WIPI1: variants seen among roughly 807,000 people sequenced by gnomAD.
WIPI1 encodes WD repeat domain, phosphoinositide interacting 1, also known as WD repeat domain phosphoinositide-interacting protein 1.
A neutral mutation model predicts 55.3 loss-of-function variants in WIPI1; 45 were observed. That is an observed-to-expected ratio of 0.81 (90% CI 0.64 to 1.04). WIPI1 has a LOEUF of 1.04. Among genes scored for constraint, WIPI1 ranks in the 50% least tolerant of loss-of-function variants. The pLI is 0.00. For synonymous variants in WIPI1, 195 were observed against 217.6 expected, an observed-to-expected ratio of 0.90 and a Z score of 0.92; for missense variants, 445 against 559.0, an observed-to-expected ratio of 0.80 and a Z score of 2.06.
At chr17:68,451,892 T>G (rs2084514099) in intron 2 of WIPI1, among the ~76,000 whole-genome samples, 1 of 152,240 alleles carries the variant, frequency 6.6e-6, no homozygotes, top group South Asian at 2.1e-4. Flanking sequence ...TCTTTTCATA[T>G]GTGTGCCTTT....
intron 4 of WIPI1, among the ~76,000 whole-genome samples, chr17:68,442,886 T>C (rs975467047): frequency 6.6e-6 from 1 of 152,200 alleles, no homozygotes; most frequent in Non-Finnish European, 1.5e-5. Flanking sequence ...GCTCCTGGTA[T>C]GAGGTTGCCT....
chr17:68,427,408 G>A, intron 10 of WIPI1, 155 bp from the exon 11 acceptor site: 1 of 543,968 alleles, frequency 1.8e-6, no homozygotes, highest in South Asian at 2.3e-5. Context: ...CCAGGCTGGA[G>A]TGCAGTGGCG....
chr17:68,429,790 C>T (rs565997871), intron 9 of WIPI1, among the ~76,000 whole-genome samples: 2 of 152,122 alleles, frequency 1.3e-5, no homozygotes, highest in African/African-American at 2.4e-5. Context: ...GATTTCACCA[C>T]GTTGGCCAGG....
At chr17:68,453,228 C>A (rs2302784) in intron 1 of WIPI1, among the ~76,000 whole-genome samples, 37,588 of 151,918 alleles carry the variant, frequency 0.25, 4,970 homozygotes, top group Non-Finnish European at 0.28. Context: ...GATCAAGGGG[C>A]ATGAAACTGC....
At position 68,440,388 on chromosome 17, in the gene WIPI1, T is replaced by C. The variant is rs545436579; in HGVS notation, c.431-3909A>G. On this transcript the variant is annotated intron_variant, in intron 4 of 12. Transcript: ENST00000262139. ...CCATTCTGCCAGTCTCCTCTTTCTGTTACAGGTGTTACACAAAGCCTTTTT... is the reference window on the plus strand; with the variant it reads ...CCATTCTGCCAGTCTCCTCTTTCTGCTACAGGTGTTACACAAAGCCTTTTT... 3.3e-5 allele frequency among the ~76,000 whole-genome samples: 5 copies of C among 152,348 alleles called. No homozygotes were observed. The South Asian group carries it at 8.3e-4, about 25-fold the overall frequency.
chr17:68,436,031 G>A (rs2083769645), intron 5 of WIPI1, among the ~76,000 whole-genome samples: 3 of 152,212 alleles, frequency 2.0e-5, no homozygotes, highest in Admixed American at 2.0e-4. Flanking sequence ...ATCTTGTCCC[G>A]CTCAGGGATG....
intron 11 of WIPI1, 78 bp from the exon 12 acceptor site, chr17:68,426,253 G>GGGGCCCCCCCCC: frequency 1.2e-6 from 1 of 841,016 alleles, no homozygotes; most frequent in Non-Finnish European, 1.9e-6. Context: ...GGGGAGCGGG[G>GGGGCCCCCCCCC]GCTCAAATAA....
intron 3 of WIPI1, among the ~76,000 whole-genome samples, chr17:68,450,016 C>A (rs1390685331): frequency 6.6e-6 from 1 of 152,134 alleles, no homozygotes; most frequent in Admixed American, 6.5e-5. Flanking sequence ...GTCTCAAAAA[C>A]AGAAACAACA....
At position 68,434,580 on chromosome 17, in the gene WIPI1, T is replaced by C. The variant is rs73359910; in HGVS notation, c.668A>G (p.Tyr223Cys). The C allele has an allele frequency of 6.3e-4, 1,022 of 1,613,918 alleles. 4 individuals are homozygous for C. The African/African-American group carries it at 0.012, about 19-fold the overall frequency. The change falls in exon 7 of 13, where the codon TAT becomes TGT. Residue 223 changes from tyrosine (Y) to cysteine (C), a missense_variant. Transcript: ENST00000262139. ...VFSVPDGQKL[Y>C]EFRRGMKRYV... ...CCTTTTCATCCCTCTCCGGAACTCA[T>C]AGAGCTTTTGCCCATCAGGGACAGA...
rs373999493 is a variant in WIPI1, at chr17:68,444,508, G to T, written c.415C>A (p.Pro139Thr). 48 of 1,613,724 alleles carry T rather than the reference G, an allele frequency of 3.0e-5. No homozygotes were observed. In the African/African-American group the frequency reaches 5.5e-4, roughly 18 times the overall value. The change falls in exon 4 of 13, where the codon CCT becomes ACT. Residue 139 changes from proline to threonine, a missense_variant. Physicochemically the swap from Pro to Thr is conservative, Grantham distance 38. Coordinates refer to ENST00000262139, the MANE Select transcript of WIPI1 (RefSeq NM_017983.7). ...TGGAGCTCACCTGTTGGGTTTGCAG[G>T]AATATCCAGGAGGGTCTTCAACAGC... The part of the protein sequence containing the change: ...MKLLKTLLDI[P>T]ANPTGLCALS...
At chr17:68,433,771 T>TGTTTGTTTTTTTTTTTTTG (rs1399188195) in intron 7 of WIPI1, among the ~76,000 whole-genome samples, 196 bp from the exon 8 acceptor site, 1 of 21,362 alleles carries the variant, frequency 4.7e-5, no homozygotes, top group African/African-American at 1.1e-4. Flanking sequence ...TTTTTTTTTT[T>TGTTTGTTTTTTTTTTTTTG]TTTTTTTTTT....
chr17:68,441,518 C>T (rs1468792433), intron 4 of WIPI1, among the ~76,000 whole-genome samples: 3 of 152,176 alleles, frequency 2.0e-5, no homozygotes, highest in African/African-American at 7.2e-5. Context: ...AGGATGAGAA[C>T]AGATAAGGCG....
At position 68,436,206 on chromosome 17, in the gene WIPI1, G is replaced by T. The variant is rs529356653; in HGVS notation, c.528+176C>A. Among the ~76,000 whole-genome samples, 29 of 152,286 alleles carry T rather than the reference G, an allele frequency of 1.9e-4. 1 individual carries two copies. Among genetic ancestry groups the T allele is most frequent in the African/African-American group, 7.0e-4 (29 of 41,556 alleles). ...GGCCTGGCCAGCTGGCTTATGGTGA[G>T]GTTGACTCACAGCAAGCCCGAGGGG... is the stretch of plus-strand genomic sequence containing the variant. On this transcript the variant is annotated intron_variant, in intron 5 of 12. Coordinates refer to ENST00000262139, the MANE Select transcript of WIPI1 (RefSeq NM_017983.7).
intron 3 of WIPI1, among the ~76,000 whole-genome samples, chr17:68,448,994 A>C (rs1466970618): frequency 1.3e-5 from 2 of 152,198 alleles, no homozygotes; most frequent in African/African-American, 2.4e-5. Context: ...AGGTGGACTT[A>C]AGTGGATTTT....
Position 68,434,555 on chromosome 17 carries a change from C to A in WIPI1, c.692+1G>T, listed in dbSNP as rs1310639052. ...AAATGGGTTTGACATTGAACACAGACCTTTTCATCCCTCTCCGGAACTCAT... is the reference window on the plus strand; with the variant it reads ...AAATGGGTTTGACATTGAACACAGAACTTTTCATCCCTCTCCGGAACTCAT... On this transcript the variant is annotated splice_donor_variant, in intron 7 of 12. Transcript: ENST00000262139. LOFTEE classifies it high-confidence loss of function. 2 of 1,613,928 alleles carry A rather than the reference C, an allele frequency of 1.2e-6. No individual in the cohort carries two copies. The highest frequency in any genetic ancestry group is 4.5e-5 in the East Asian group (2 of 44,856).
At chr17:68,455,970 T>G (rs2084636386) in intron 1 of WIPI1, among the ~76,000 whole-genome samples, 1 of 152,214 alleles carries the variant, frequency 6.6e-6, no homozygotes, top group South Asian at 2.1e-4. Flanking sequence ...GGATTTTATC[T>G]ATACCAGCAT....
rs545486469 is a variant in WIPI1 at position 68,433,509 on chromosome 17, G to A, written c.759C>T (p.Thr253=). The part of the protein sequence containing the change: ...DSQFLCASSN[T]ETVHIFKLEQ... ...CCAGCTTGAAGATGTGTACCGTCTC[G>A]GTGTTACTGGAGGCGCAGAGGAATT... is the stretch of plus-strand genomic sequence containing the variant. The change falls in exon 8 of 13, where the codon ACC becomes ACT. Residue 253 remains threonine (T), a synonymous_variant. Coordinates refer to ENST00000262139, the MANE Select transcript of WIPI1 (RefSeq NM_017983.7). 44 of 1,614,002 alleles carry A rather than the reference G, an allele frequency of 2.7e-5. No individual in the cohort carries two copies. In the African/African-American group the frequency reaches 2.9e-4, roughly 11 times the overall value.
Position 68,421,701 on chromosome 17 carries a change from C to T in WIPI1, c.*72G>A, listed in dbSNP as rs1284429794. 26 of 1,607,742 alleles carry T rather than the reference C, an allele frequency of 1.6e-5. No individual in the cohort carries two copies. The highest frequency in any genetic ancestry group is 2.2e-5 in the Non-Finnish European group (26 of 1,174,586). ...TCTGCTCACACAATTGCACTCCATT[C>T]TTCCGCCTTCCTTGTTTTCTCCAAA... is the stretch of plus-strand genomic sequence containing the variant. On this transcript the variant is annotated 3_prime_UTR_variant, in exon 13 of 13. Transcript: ENST00000262139.
At chr17:68,432,171 G>A (rs529837673) in intron 8 of WIPI1, among the ~76,000 whole-genome samples, 1 of 152,154 alleles carries the variant, frequency 6.6e-6, no homozygotes, top group Non-Finnish European at 1.5e-5. Flanking sequence ...AAAGATGAAG[G>A]AGCGAGAAGG....
Sources: allele counts gnomAD v4.1 joint callset (sites outside exome capture counted in the v4.1 genomes callset), GRCh38; gene constraint gnomAD v4.1.1; transcripts MANE v1.5; gene names NCBI Gene and HGNC (gene_info 2026-07-23, HGNC 2026-07-21).